AIG1: variants seen among roughly 807,000 people sequenced by gnomAD.
The protein encoded by AIG1 is androgen induced 1.
A neutral mutation model predicts 31.4 loss-of-function variants in AIG1; 23 were observed. The observed-to-expected ratio is 0.73, with a 90% confidence interval of 0.53 to 1.04. The LOEUF (loss-of-function observed/expected upper bound fraction) is 1.04, where lower values mean the gene tolerates loss of function less well. Among genes scored for constraint, AIG1 ranks in the 50% least tolerant of loss-of-function variants. The probability of loss-of-function intolerance (pLI) is 0.00; values close to 1 mark genes in which losing one functional copy is unlikely to be tolerated. For missense variants in AIG1, 274 were observed against 295.0 expected (o/e 0.93, Z 0.52); for synonymous variants, 100 against 110.5 (o/e 0.90, Z 0.60).
intron 2 of AIG1, among the ~76,000 whole-genome samples, chr6:143,150,260 G>C (rs1356411528): frequency 6.6e-6 from 1 of 152,210 alleles, no homozygotes; most frequent in Non-Finnish European, 1.5e-5. Context: ...AATCTTGGCT[G>C]TTTGGGTAAG....
chr6:143,312,090 G>A (rs1303949700), intron 4 of AIG1, among the ~76,000 whole-genome samples: 1 of 151,870 alleles, frequency 6.6e-6, no homozygotes, highest in African/African-American at 2.4e-5. Context: ...ATATTCCATG[G>A]TCATGGATTA....
chr6:143,176,581 G>C (rs776785462), intron 3 of AIG1, among the ~76,000 whole-genome samples: 3 of 152,048 alleles, frequency 2.0e-5, no homozygotes, highest in Admixed American at 1.3e-4. Context: ...TTCCCGGGGG[G>C]GTTATAGCTG....
chr6:143,236,325 C>T (rs147574941), intron 3 of AIG1, among the ~76,000 whole-genome samples: 144 of 152,306 alleles, frequency 9.5e-4, no homozygotes, highest in African/African-American at 2.8e-3. Context: ...ATGCCTCATT[C>T]GGACTCCGAG....
At chr6:143,239,572 A>G (rs1223390741) in intron 3 of AIG1, among the ~76,000 whole-genome samples, 1 of 152,178 alleles carries the variant, frequency 6.6e-6, no homozygotes, top group Non-Finnish European at 1.5e-5. Flanking sequence ...CTCTTTCACC[A>G]CACGATCTTG....
At chr6:143,106,395 A>G (rs975479780) in intron 1 of AIG1, among the ~76,000 whole-genome samples, 4 of 152,204 alleles carry the variant, frequency 2.6e-5, no homozygotes, top group Admixed American at 2.0e-4. Context: ...TAAATCATCC[A>G]GTGTATGATG....
chr6:143,322,887 T>G (rs866204485), intron 4 of AIG1, among the ~76,000 whole-genome samples: 7 of 152,206 alleles, frequency 4.6e-5, no homozygotes, highest in Admixed American at 2.0e-4. Context: ...ATGTGAGAAG[T>G]ACAGAAAAAT....
chr6:143,318,690 C>T (rs2128713490), intron 4 of AIG1, among the ~76,000 whole-genome samples: 1 of 152,046 alleles, frequency 6.6e-6, no homozygotes, highest in African/African-American at 2.4e-5. Flanking sequence ...AGTAAACAGA[C>T]AACCCACAGA....
rs1167489779 is a variant in AIG1, at chr6:143,288,424, G to C, written c.515+4199G>C. On this transcript the variant is annotated intron_variant, in intron 4 of 5. Transcript: ENST00000357847. The surrounding 1 kb of genome is among the most constrained non-coding windows in gnomAD (Gnocchi z 4.4). ...ACCCAGGACACATCAAGAGCAAGTA[G>C]GCCTTAGTGAAGGGGACAAAATGGA... Among the ~76,000 whole-genome samples the C allele has an allele frequency of 6.8e-6, 1 of 147,934 alleles. No homozygotes were observed. Among genetic ancestry groups the C allele is most frequent in the African/African-American group, 2.4e-5 (1 of 41,098 alleles).
chr6:143,264,485 C>T (rs1583665434), intron 3 of AIG1, among the ~76,000 whole-genome samples: 2 of 152,302 alleles, frequency 1.3e-5, no homozygotes, highest in East Asian at 1.9e-4. Context: ...GGGTGCCTGG[C>T]GCTTGCAGGA....
chr6:143,175,441 T>G (rs1325316580), intron 3 of AIG1, among the ~76,000 whole-genome samples: 1 of 152,254 alleles, frequency 6.6e-6, no homozygotes, highest in East Asian at 1.9e-4. Context: ...GAACACCAAT[T>G]ATTCTTAGGT....
intron 3 of AIG1, among the ~76,000 whole-genome samples, chr6:143,245,762 GCAAACATCAT>G (rs546698669): frequency 1.6e-3 from 245 of 152,270 alleles, no homozygotes; most frequent in Non-Finnish European, 3.0e-3. Flanking sequence ...TTGGGAGCCT[GCAAACATCAT>G]CTGTAATCCT....
chr6:143,091,617 T>C (rs1779311572), intron 1 of AIG1, among the ~76,000 whole-genome samples: 1 of 152,192 alleles, frequency 6.6e-6, no homozygotes, highest in Admixed American at 6.5e-5. Context: ...TAAAACAAAA[T>C]ATTGTTAGTC....
intron 3 of AIG1, among the ~76,000 whole-genome samples, chr6:143,252,552 T>A (rs371201899): frequency 9.9e-5 from 15 of 152,278 alleles, no homozygotes; most frequent in African/African-American, 3.6e-4. Flanking sequence ...TACTATGAAG[T>A]TAAGAAGGTA....
At chr6:143,252,232 G>A (rs1001241285) in intron 3 of AIG1, among the ~76,000 whole-genome samples, 5 of 152,246 alleles carry the variant, frequency 3.3e-5, no homozygotes, top group Admixed American at 6.5e-5. Flanking sequence ...CGATTCTCCC[G>A]CCTCAGTCTC....
At chr6:143,059,656 T>C (rs767790459), upstream of AIG1, among the ~76,000 whole-genome samples, 2 of 152,222 alleles carry the variant, frequency 1.3e-5, no homozygotes, top group Non-Finnish European at 2.9e-5. Context: ...TAGAGCTTGA[T>C]TGGAAACATT....
chr6:143,219,400 G>A (rs185819590), intron 3 of AIG1, among the ~76,000 whole-genome samples: 2 of 152,238 alleles, frequency 1.3e-5, no homozygotes, highest in South Asian at 2.1e-4. Context: ...AGCCTAAGAG[G>A]TCGAGGCTGC....
chr6:143,142,836 G>A (rs536283063), intron 2 of AIG1, among the ~76,000 whole-genome samples: 1 of 152,208 alleles, frequency 6.6e-6, no homozygotes, highest in Admixed American at 6.5e-5. Context: ...GCTTCCTTAG[G>A]AAACATGGAA....
chr6:143,193,920 G>A (rs1032389676), intron 3 of AIG1, among the ~76,000 whole-genome samples: 7 of 152,172 alleles, frequency 4.6e-5, no homozygotes, highest in African/African-American at 1.7e-4. Flanking sequence ...GCTTTCTCCT[G>A]ATGATTCAGC....
chr6:143,120,054 C>T (rs759339131), intron 1 of AIG1, among the ~76,000 whole-genome samples: 7 of 152,110 alleles, frequency 4.6e-5, no homozygotes, highest in South Asian at 2.1e-4. Context: ...CTCAGCCTCC[C>T]GAGTAGCTGG....
Sources: allele counts gnomAD v4.1 joint callset (sites outside exome capture counted in the v4.1 genomes callset), GRCh38; gene constraint gnomAD v4.1.1; non-coding constraint Gnocchi (gnomAD v3.1); transcripts MANE v1.5; gene names NCBI Gene and HGNC (gene_info 2026-07-23, HGNC 2026-07-21).